Variants in AP4E1 observed in about 807,000 individuals in gnomAD.
AP4E1 encodes AP-4 complex subunit epsilon-1.
In AP4E1, 56 loss-of-function variants were observed where a neutral mutation model predicts 128.2. The observed-to-expected ratio is 0.44, with a 90% CI of 0.35 to 0.55. The LOEUF (loss-of-function observed/expected upper bound fraction) is 0.55, where lower values mean the gene tolerates loss of function less well. AP4E1 is among the 20% of genes least tolerant of loss of function. AP4E1 has a pLI of 0.00. For missense variants in AP4E1, 1,324 were observed against 1,307.7 expected, an observed-to-expected ratio of 1.01 and a Z score of -0.19; for synonymous variants, 484 against 473.1, an observed-to-expected ratio of 1.02 and a Z score of -0.30.
chr15:50,992,735 T>G (rs2064821971), intron 16 of AP4E1, among the ~76,000 whole-genome samples: 1 of 152,224 alleles, frequency 6.6e-6, no homozygotes. Context: ...AAAACTTCAT[T>G]GCATTTTGAT....
At chr15:50,922,487 A>G (rs1195960677) in intron 3 of AP4E1, among the ~76,000 whole-genome samples, 1 of 152,098 alleles carries the variant, frequency 6.6e-6, no homozygotes, top group Admixed American at 6.6e-5. Flanking sequence ...CTACCTCTTG[A>G]TTGTAAGAAT....
chr15:50,980,786 G>A (rs1032554775), intron 15 of AP4E1, among the ~76,000 whole-genome samples: 1 of 152,142 alleles, frequency 6.6e-6, no homozygotes, highest in Non-Finnish European at 1.5e-5. Flanking sequence ...GGTTGCTCCA[G>A]CCATTCATTG....
At chr15:50,925,309 C>A in intron 5 of AP4E1, 90 bp downstream of exon 5, 2 of 1,350,594 alleles carry the variant, frequency 1.5e-6, no homozygotes, top group Non-Finnish European at 2.1e-6. Context: ...TCAGTGCTAC[C>A]AGGATAGAGA....
At chr15:50,988,603 C>T (rs182463581) in intron 16 of AP4E1, among the ~76,000 whole-genome samples, 6 of 152,296 alleles carry the variant, frequency 3.9e-5, no homozygotes, top group African/African-American at 1.4e-4. Context: ...GTATGAGCCA[C>T]CGTGCCCAGC....
chr15:50,936,904 C>A (rs1329998692), intron 8 of AP4E1, among the ~76,000 whole-genome samples: 1 of 152,014 alleles, frequency 6.6e-6, no homozygotes, highest in African/African-American at 2.4e-5. Flanking sequence ...CATGCCACTG[C>A]ACTCTAGCCT....
intron 1 of AP4E1, 44 bp downstream of exon 1, chr15:50,908,972 G>A: frequency 6.2e-7 from 1 of 1,605,102 alleles, no homozygotes; most frequent in Non-Finnish European, 8.5e-7. Context: ...TCGGAGTGAG[G>A]CCCCCGCGCC....
In AP4E1 at chr15:50,948,339, C is replaced by CT. The variant is rs66467957; in HGVS notation, c.1316+198dup. 8.8e-3 allele frequency among the ~76,000 whole-genome samples: 1,073 copies of CT among 122,034 alleles called. 12 individuals are homozygous for CT. Among genetic ancestry groups the CT allele is most frequent in the Middle Eastern group, 0.013 (3 of 224 alleles). 80.1% of individuals were successfully genotyped at this position (122,034 alleles called of 152,430 possible). ...TTTGTGTAGACCTCTTAGGAGATGG[C>CT]TTTTTTTTTTTTTTTTTTGCTGGTT... is the stretch of plus-strand genomic sequence containing the variant. On this transcript the variant is annotated intron_variant, in intron 11 of 20. Coordinates refer to ENST00000261842, the MANE Select transcript of AP4E1 (RefSeq NM_007347.5).
chr15:50,917,430 A>G (rs1291607197), intron 3 of AP4E1, among the ~76,000 whole-genome samples: 2 of 151,984 alleles, frequency 1.3e-5, no homozygotes, highest in Non-Finnish European at 2.9e-5. Flanking sequence ...TTTCCCTTCA[A>G]CTTTGGGCCA....
At chr15:50,924,999 A>G in intron 4 of AP4E1, 99 bp from the exon 5 acceptor site, 1 of 1,386,236 alleles carries the variant, frequency 7.2e-7, no homozygotes, top group Middle Eastern at 2.0e-4. Context: ...TATAAATAGC[A>G]CAAAATTACT....
At chr15:50,972,935 T>C (rs1479160100) in intron 15 of AP4E1, among the ~76,000 whole-genome samples, 1 of 152,226 alleles carries the variant, frequency 6.6e-6, no homozygotes, top group Non-Finnish European at 1.5e-5. Context: ...TTCTCAAGTG[T>C]ATTAGAATTC....
At chr15:50,911,973 C>G in intron 1 of AP4E1, 105 bp from the exon 2 acceptor site, 1 of 918,970 alleles carries the variant, frequency 1.1e-6, no homozygotes, top group Non-Finnish European at 1.7e-6. Flanking sequence ...AATAATGTTT[C>G]TTTTAAATTA....
At position 50,910,685 on chromosome 15, in the gene AP4E1, T is replaced by G. The variant is rs188851064; in HGVS notation, c.151-1393T>G. Reference sequence around the variant, plus strand: ...TTTGTTTTGTTTTTGAGATGGAGTCTCACTCTGTCGCCCAGGCTGGAATGC... The same window carrying G: ...TTTGTTTTGTTTTTGAGATGGAGTCGCACTCTGTCGCCCAGGCTGGAATGC... On this transcript the variant is annotated intron_variant, in intron 1 of 20. Transcript: ENST00000261842. Among the ~76,000 whole-genome samples the G allele has an allele frequency of 6.0e-4, 91 of 152,364 alleles. 1 individual carries two copies. The highest frequency in any genetic ancestry group is 2.1e-3 in the African/African-American group (88 of 41,578).
chr15:50,950,248 C>G, intron 13 of AP4E1, 79 bp downstream of exon 13: 10 of 1,036,304 alleles, frequency 9.6e-6, no homozygotes, highest in Non-Finnish European at 1.3e-5. Flanking sequence ...TCTTCAGAAA[C>G]CATTCGCTTT....
intron 17 of AP4E1, among the ~76,000 whole-genome samples, chr15:50,994,456 A>G (rs1355015518): frequency 6.6e-6 from 1 of 152,164 alleles, no homozygotes; most frequent in Admixed American, 6.5e-5. Flanking sequence ...ATGGTATACC[A>G]TACTATATAC....
chr15:50,998,231 C>T (rs532769038), intron 18 of AP4E1, among the ~76,000 whole-genome samples: 9 of 152,068 alleles, frequency 5.9e-5, no homozygotes, highest in Non-Finnish European at 1.2e-4. Flanking sequence ...GTATATTTAT[C>T]TTCCACAAAA....
At chr15:50,997,926 TTG>T in intron 18 of AP4E1, 43 bp downstream of exon 18, 1 of 1,468,770 alleles carries the variant, frequency 6.8e-7, no homozygotes, top group Admixed American at 1.9e-5. Flanking sequence ...AGTGTATATT[TTG>T]TGTTCTCTTT....
At chr15:50,933,291 G>T (rs955453653) in intron 7 of AP4E1, among the ~76,000 whole-genome samples, 2 of 152,002 alleles carry the variant, frequency 1.3e-5, no homozygotes, top group African/African-American at 4.8e-5. Context: ...ACATTTTGTT[G>T]GACATTATTG....
At chr15:50,928,834 C>G (rs950984198) in intron 5 of AP4E1, among the ~76,000 whole-genome samples, 175 bp from the exon 6 acceptor site, 1 of 151,224 alleles carries the variant, frequency 6.6e-6, no homozygotes, top group Non-Finnish European at 1.5e-5. Flanking sequence ...GAGGTAACCA[C>G]TTTTTATAAT....
chr15:50,936,982 TTC>T, intron 8 of AP4E1, among the ~76,000 whole-genome samples: 1 of 152,310 alleles, frequency 6.6e-6, no homozygotes, highest in Non-Finnish European at 1.5e-5. Context: ...AACAGTTTCT[TTC>T]TTTGCAGGCT....
Sources: allele counts gnomAD v4.1 joint callset (sites outside exome capture counted in the v4.1 genomes callset), GRCh38; gene constraint gnomAD v4.1.1; transcripts MANE v1.5; gene names NCBI Gene and HGNC (gene_info 2026-07-23, HGNC 2026-07-21).